ACTL8: variants seen among roughly 807,000 people sequenced by gnomAD.
ACTL8 encodes actin like 8, also known as actin-like protein 8.
A neutral mutation model predicts 9.3 loss-of-function variants in ACTL8; 3 were observed. That is an observed-to-expected ratio of 0.32 (90% CI 0.15 to 0.83). The LOEUF is 0.83. ACTL8 is among the 40% of genes least tolerant of loss of function. ACTL8 has a pLI of 0.57. For synonymous variants in ACTL8, 224 were observed against 205.9 expected (o/e 1.09, Z -0.75); for missense variants, 381 against 492.2 (o/e 0.77, Z 2.14).
intron 1 of ACTL8, among the ~76,000 whole-genome samples, chr1:17,761,305 G>A (rs1197104952): frequency 6.6e-6 from 1 of 151,882 alleles, no homozygotes; most frequent in East Asian, 1.9e-4. Context: ...GATGCCAAAG[G>A]GCCTAGCGCA....
At chr1:17,806,059 TTCC>T (rs1295678731) in intron 1 of ACTL8, among the ~76,000 whole-genome samples, 1 of 152,218 alleles carries the variant, frequency 6.6e-6, no homozygotes, top group African/African-American at 2.4e-5. Context: ...CTTCCTCCTT[TTCC>T]TCCTCTTTCT....
intron 1 of ACTL8, among the ~76,000 whole-genome samples, chr1:17,807,842 G>C (rs779026832): frequency 4.6e-5 from 7 of 151,960 alleles, no homozygotes; most frequent in Non-Finnish European, 7.4e-5. Flanking sequence ...TGGGGCCTGT[G>C]GGGGGTGGGG....
chr1:17,821,548 T>A (rs2053659805), intron 1 of ACTL8, among the ~76,000 whole-genome samples: 1 of 152,216 alleles, frequency 6.6e-6, no homozygotes, highest in Admixed American at 6.5e-5. Context: ...TTTTCGACCT[T>A]GTCAAAGAGC....
chr1:17,766,419 C>T (rs2066044940), intron 1 of ACTL8, among the ~76,000 whole-genome samples: 1 of 152,160 alleles, frequency 6.6e-6, no homozygotes, highest in South Asian at 2.1e-4. Flanking sequence ...TCTTCTGCTC[C>T]CATGTCACAC....
chr1:17,802,019 A>G (rs1056478395), intron 1 of ACTL8, among the ~76,000 whole-genome samples: 3 of 152,226 alleles, frequency 2.0e-5, no homozygotes, highest in African/African-American at 7.2e-5. Flanking sequence ...TTAGCTGCTA[A>G]TTCGTATACC....
Position 17,765,965 on chromosome 1 carries a change from C to G in ACTL8, c.-25+10461C>G, listed in dbSNP as rs527746902. Among the ~76,000 whole-genome samples the G allele has an allele frequency of 3.9e-5, 6 of 152,348 alleles. No individual in the cohort carries two copies. The East Asian group carries it at 1.2e-3, about 29-fold the overall frequency. On this transcript the variant is annotated intron_variant, in intron 1 of 2. Transcript: ENST00000375406. Reference sequence around the variant, plus strand: ...ATCTCACCCCAGGTTTTAGAGCAGCCAACTTCCTGTGGCCTGCCCTCCTGC... The same window carrying G: ...ATCTCACCCCAGGTTTTAGAGCAGCGAACTTCCTGTGGCCTGCCCTCCTGC...
At chr1:17,802,452 T>TGTGTGTGTGTGTGTGTG (rs2066328445) in intron 1 of ACTL8, among the ~76,000 whole-genome samples, 2 of 147,538 alleles carry the variant, frequency 1.4e-5, no homozygotes, top group African/African-American at 5.0e-5. Context: ...TGTGTGTGTG[T>TGTGTGTGTGTGTGTGTG]TGGAGGGCAG....
At chr1:17,776,257 C>T (rs1395614471) in intron 1 of ACTL8, among the ~76,000 whole-genome samples, 1 of 152,204 alleles carries the variant, frequency 6.6e-6, no homozygotes, top group Non-Finnish European at 1.5e-5. Context: ...TTCCACCAGG[C>T]TTTGGTGACA....
intron 1 of ACTL8, among the ~76,000 whole-genome samples, chr1:17,819,025 T>C (rs1251333393): frequency 6.6e-6 from 1 of 152,238 alleles, no homozygotes; most frequent in Non-Finnish European, 1.5e-5. Context: ...TTTACAGTCA[T>C]GTGCCAGGGG....
intron 1 of ACTL8, among the ~76,000 whole-genome samples, chr1:17,793,255 G>A (rs1312576000): frequency 6.6e-6 from 1 of 152,158 alleles, no homozygotes; most frequent in African/African-American, 2.4e-5. Context: ...TCAAATCCTG[G>A]GGCTCCCTGG....
intron 1 of ACTL8, among the ~76,000 whole-genome samples, chr1:17,805,793 T>C (rs1331277613): frequency 6.6e-6 from 1 of 152,238 alleles, no homozygotes; most frequent in African/African-American, 2.4e-5. Flanking sequence ...TGCAGAGCCC[T>C]GTGCAGTGTA....
intron 1 of ACTL8, among the ~76,000 whole-genome samples, chr1:17,775,952 CAG>C: frequency 6.6e-6 from 1 of 152,190 alleles, no homozygotes; most frequent in Non-Finnish European, 1.5e-5. Flanking sequence ...CTGGAAGAGT[CAG>C]GGAGGGCTTC....
At chr1:17,813,955 G>C (rs765980062) in intron 1 of ACTL8, among the ~76,000 whole-genome samples, 4 of 152,170 alleles carry the variant, frequency 2.6e-5, no homozygotes, top group Non-Finnish European at 5.9e-5. Flanking sequence ...AGTCTGAAGT[G>C]ATGCCACCTC....
chr1:17,771,954 A>G (rs963684777), intron 1 of ACTL8, among the ~76,000 whole-genome samples: 4 of 152,140 alleles, frequency 2.6e-5, no homozygotes, highest in Admixed American at 2.0e-4. Context: ...CAAATAATCC[A>G]GTGACATGCA....
intron 1 of ACTL8, among the ~76,000 whole-genome samples, chr1:17,798,473 A>ATGC (rs1386621881): frequency 3.9e-5 from 6 of 152,168 alleles, no homozygotes; most frequent in African/African-American, 1.2e-4. Flanking sequence ...CGCCTGGCAG[A>ATGC]TGCTGGGCTT....
intron 1 of ACTL8, among the ~76,000 whole-genome samples, chr1:17,814,690 CA>C (rs1158901401): frequency 1.3e-5 from 2 of 151,968 alleles, no homozygotes; most frequent in Non-Finnish European, 2.9e-5. Context: ...CTACAGTATT[CA>C]GTAGAATAAC....
Position 17,826,154 on chromosome 1 carries a change from G to A in ACTL8, c.736G>A (p.Val246Met), listed in dbSNP as rs148049229. ...CTATCAGCTCCCAGACGGCTCCCGCGTGGAGCTGACCCCCATGCAGCGGGT... is the reference window on the plus strand; with the variant it reads ...CTATCAGCTCCCAGACGGCTCCCGCATGGAGCTGACCCCCATGCAGCGGGT... ...NTYQLPDGSR[V>M]ELTPMQRVAP... The change falls in exon 3 of 3, where the codon GTG becomes ATG. Residue 246 changes from valine to methionine, a missense_variant. Around this residue, in one of 3 missense-constraint regions of ACTL8, gnomAD observed 243 missense variants for 276.2 expected, o/e 0.88. Transcript: ENST00000375406. The surrounding 1 kb of genome is among the most constrained non-coding windows in gnomAD (Gnocchi z 4.5). 27 of 1,612,122 alleles carry A rather than the reference G, an allele frequency of 1.7e-5. No homozygotes were observed. Among genetic ancestry groups the A allele is most frequent in the South Asian group, 7.7e-5 (7 of 91,084 alleles).
At chr1:17,784,718 G>A (rs1433602079) in intron 1 of ACTL8, among the ~76,000 whole-genome samples, 2 of 152,144 alleles carry the variant, frequency 1.3e-5, no homozygotes, top group Non-Finnish European at 1.5e-5. Context: ...GCTTCTTCCC[G>A]TTTTATAGGT....
intron 1 of ACTL8, among the ~76,000 whole-genome samples, chr1:17,793,233 G>A (rs1380171326): frequency 1.3e-5 from 2 of 152,160 alleles, no homozygotes; most frequent in Admixed American, 1.3e-4. Context: ...GGGTGCTCTT[G>A]GTCTGAAATG....
Sources: gnomAD v4.1 joint callset for allele counts (sites outside exome capture counted in the v4.1 genomes callset) on GRCh38, gnomAD v4.1.1 for gene constraint, gnomAD v4.1.1 regional missense constraint, Gnocchi (gnomAD v3.1) non-coding constraint, MANE v1.5 for transcripts, NCBI Gene and HGNC (gene_info 2026-07-23, HGNC 2026-07-21) for gene names.